SHTN1: variants seen among roughly 807,000 people sequenced by gnomAD.
SHTN1 encodes the protein shootin 1.
A neutral mutation model predicts 83.1 loss-of-function variants in SHTN1; 42 were observed. That is an observed-to-expected ratio of 0.51 (90% CI 0.39 to 0.65). The LOEUF is 0.65. Ranked by LOEUF, SHTN1 falls within the 30% of genes least tolerant of loss-of-function variation. SHTN1 has a pLI of 0.00. For missense variants in SHTN1, 622 were observed against 737.8 expected, an observed-to-expected ratio of 0.84 and a Z score of 1.82; for synonymous variants, 224 against 247.7, an observed-to-expected ratio of 0.90 and a Z score of 0.90.
At chr10:116,958,323 T>C (rs937278917) in intron 4 of SHTN1, among the ~76,000 whole-genome samples, 6 of 152,208 alleles carry the variant, frequency 3.9e-5, no homozygotes, top group Admixed American at 2.6e-4. Flanking sequence ...TTTATAGTAT[T>C]TGATTTAATC....
intron 1 of SHTN1, among the ~76,000 whole-genome samples, chr10:117,070,213 AC>A (rs1853060461): frequency 6.6e-6 from 1 of 151,836 alleles, no homozygotes; most frequent in South Asian, 2.1e-4. Context: ...GCTGCAAACT[AC>A]CACTAAGTGG....
intron 15 of SHTN1, among the ~76,000 whole-genome samples, chr10:116,902,232 C>T (rs553930225): frequency 1.8e-4 from 28 of 152,286 alleles, no homozygotes; most frequent in Non-Finnish European, 2.9e-4. Flanking sequence ...CAGGGTCCTT[C>T]GTAATACTGG....
chr10:117,121,876 C>CA (rs1853933300), intron 1 of SHTN1, among the ~76,000 whole-genome samples: 1 of 149,252 alleles, frequency 6.7e-6, no homozygotes, highest in African/African-American at 2.5e-5. Flanking sequence ...ACTAAAAATA[C>CA]AAAAAATTAG....
intron 12 of SHTN1, among the ~76,000 whole-genome samples, chr10:116,915,709 T>C (rs1460096614): frequency 3.3e-5 from 5 of 152,160 alleles, no homozygotes; most frequent in African/African-American, 9.7e-5. Context: ...TTATAAAAAT[T>C]TGTAGCCTGG....
intron 1 of SHTN1, among the ~76,000 whole-genome samples, chr10:117,059,287 T>C (rs1052023049): frequency 2.6e-5 from 4 of 152,210 alleles, no homozygotes; most frequent in African/African-American, 7.2e-5. Flanking sequence ...ACAGCCACTC[T>C]GGGAAACAGT....
At chr10:117,035,093 A>G (rs1306678635) in intron 2 of SHTN1, among the ~76,000 whole-genome samples, 1 of 152,240 alleles carries the variant, frequency 6.6e-6, no homozygotes, top group East Asian at 1.9e-4. Flanking sequence ...ATGGGGCTAT[A>G]GTAACCAAAA....
chr10:117,055,763 GA>G (rs1412854894), intron 1 of SHTN1, among the ~76,000 whole-genome samples: 43 of 152,194 alleles, frequency 2.8e-4, no homozygotes, highest in African/African-American at 1.0e-3. Context: ...AGCTACTCAG[GA>G]GGCTGACGCA....
chr10:116,959,570 AC>A lies in SHTN1; in HGVS notation c.267+565del, dbSNP rs552744102. Among the ~76,000 whole-genome samples, 181 of 152,350 alleles carry A rather than the reference AC, an allele frequency of 1.2e-3. 3 individuals are homozygous for A. In the South Asian group the frequency reaches 0.023, roughly 19 times the overall value. ...AATACATAAGACAGAGATAAAAAAA[AC>A]ATTCTTTAATAATAATGTACTTCTG... is the stretch of plus-strand genomic sequence containing the variant. On this transcript the variant is annotated intron_variant, in intron 4 of 16. Transcript: ENST00000355371.
chr10:117,120,883 C>T (rs1589940650), intron 1 of SHTN1, among the ~76,000 whole-genome samples: 3 of 151,118 alleles, frequency 2.0e-5, no homozygotes, highest in Admixed American at 2.0e-4. Flanking sequence ...GATCTCAGCT[C>T]ACTGAAACCT....
At chr10:116,918,699 C>CT (rs1848454678) in intron 12 of SHTN1, among the ~76,000 whole-genome samples, 1 of 152,180 alleles carries the variant, frequency 6.6e-6, no homozygotes, top group Non-Finnish European at 1.5e-5. Context: ...CTGGATACTA[C>CT]TGTAAACACT....
At chr10:116,937,359 G>A (rs200607923) in intron 9 of SHTN1, among the ~76,000 whole-genome samples, 17 of 152,238 alleles carry the variant, frequency 1.1e-4, no homozygotes, top group East Asian at 5.8e-4. Context: ...CAGGGCTGGC[G>A]GTGACAAAAT....
At chr10:116,963,035 G>GTTTTTTTTT (rs71013628) in intron 3 of SHTN1, among the ~76,000 whole-genome samples, 1 of 45,262 alleles carries the variant, frequency 2.2e-5, no homozygotes, top group African/African-American at 7.1e-5. Flanking sequence ...AATAATAAAA[G>GTTTTTTTTT]TTTTTTTTTT....
At chr10:117,044,475 G>A (rs1338906303) in intron 2 of SHTN1, among the ~76,000 whole-genome samples, 1 of 152,126 alleles carries the variant, frequency 6.6e-6, no homozygotes, top group African/African-American at 2.4e-5. Flanking sequence ...ATTTGTGTCT[G>A]AATAAGATAA....
chr10:117,115,154 C>T (rs537257742), intron 1 of SHTN1, among the ~76,000 whole-genome samples: 74 of 152,260 alleles, frequency 4.9e-4, no homozygotes, highest in African/African-American at 1.7e-3. Context: ...TCAAAAAATT[C>T]GTGGAACTTT....
intron 1 of SHTN1, among the ~76,000 whole-genome samples, chr10:117,073,909 G>C (rs1403439141): frequency 6.6e-6 from 1 of 152,118 alleles, no homozygotes; most frequent in African/African-American, 2.4e-5. Flanking sequence ...AGAGCTCCCT[G>C]AGGTTTCTAC....
At chr10:117,066,743 C>T (rs1474609225) in intron 1 of SHTN1, among the ~76,000 whole-genome samples, 1 of 152,164 alleles carries the variant, frequency 6.6e-6, no homozygotes, top group Non-Finnish European at 1.5e-5. Flanking sequence ...CAGTGGTATA[C>T]TAGAAAGAAC....
At chr10:117,116,953 T>C (rs1412480219) in intron 1 of SHTN1, among the ~76,000 whole-genome samples, 2 of 152,002 alleles carry the variant, frequency 1.3e-5, no homozygotes, top group South Asian at 2.1e-4. Flanking sequence ...AACTAACATA[T>C]TGAATGAAGA....
chr10:116,922,480 G>A (rs1848599462), intron 11 of SHTN1, among the ~76,000 whole-genome samples: 1 of 151,974 alleles, frequency 6.6e-6, no homozygotes, highest in African/African-American at 2.4e-5. Flanking sequence ...AGAAAGGCAA[G>A]CACTTGCGCA....
chr10:117,020,713 T>C (rs1205758698), intron 2 of SHTN1, among the ~76,000 whole-genome samples: 1 of 151,868 alleles, frequency 6.6e-6, no homozygotes, highest in Non-Finnish European at 1.5e-5. Flanking sequence ...ATGAAGTTTC[T>C]AGAAGAAAAC....
Sources: allele counts gnomAD v4.1 joint callset (sites outside exome capture counted in the v4.1 genomes callset), GRCh38; gene constraint gnomAD v4.1.1; transcripts MANE v1.5; gene names NCBI Gene and HGNC (gene_info 2026-07-23, HGNC 2026-07-21).